The following ABCB1 variants were observed in gnomAD, a reference collection of about 807,000 sequenced individuals.
ABCB1 encodes ATP binding cassette subfamily B member 1.
In ABCB1, 69 loss-of-function variants were observed where a neutral mutation model predicts 142.0. That is an observed-to-expected ratio of 0.49 (90% CI 0.40 to 0.59). ABCB1 has a LOEUF of 0.59. Ranked by LOEUF, ABCB1 falls within the 20% of genes least tolerant of loss-of-function variation. The pLI is 0.00. For missense variants in ABCB1, 1,326 were observed against 1,554.7 expected (o/e 0.85, Z 2.47); for synonymous variants, 532 against 539.2 (o/e 0.99, Z 0.18).
At chr7:87,554,145 G>C (rs1361057110) in intron 8 of ABCB1, among the ~76,000 whole-genome samples, 2 of 152,192 alleles carry the variant, frequency 1.3e-5, no homozygotes, top group South Asian at 4.1e-4. Context: ...TATTTGTGGG[G>C]GAGTCTTCTA....
At chr7:87,582,977 T>TTATTCACA (rs751295410) in intron 4 of ABCB1, among the ~76,000 whole-genome samples, 1 of 152,204 alleles carries the variant, frequency 6.6e-6, no homozygotes, top group Non-Finnish European at 1.5e-5. Flanking sequence ...AAAGGGATGA[T>TTATTCACA]TATTCACATC....
At chr7:87,556,863 C>T (rs921873772) in intron 8 of ABCB1, among the ~76,000 whole-genome samples, 1 of 151,988 alleles carries the variant, frequency 6.6e-6, no homozygotes, top group Non-Finnish European at 1.5e-5. Flanking sequence ...CCCCTGCCCA[C>T]CCCAATCTCC....
intron 1 of ABCB1, among the ~76,000 whole-genome samples, chr7:87,626,124 T>TG (rs1491318791): frequency 4.9e-5 from 6 of 123,536 alleles, no homozygotes; most frequent in Non-Finnish European, 1.0e-4. Context: ...GTCATATATA[T>TG]TGTCATATAT....
intron 1 of ABCB1, among the ~76,000 whole-genome samples, chr7:87,658,879 A>G (rs561694453): frequency 1.3e-5 from 2 of 152,340 alleles, no homozygotes; most frequent in East Asian, 1.9e-4. Flanking sequence ...GTTAAGCAGA[A>G]AGGAAATGAT....
intron 14 of ABCB1, among the ~76,000 whole-genome samples, chr7:87,546,994 G>A (rs910095031): frequency 2.6e-5 from 4 of 152,126 alleles, no homozygotes; most frequent in Admixed American, 6.5e-5. Context: ...CTTATTCCTA[G>A]GTTGAAGAAT....
At chr7:87,599,492 C>T (rs1819350313) in intron 2 of ABCB1, among the ~76,000 whole-genome samples, 1 of 152,072 alleles carries the variant, frequency 6.6e-6, no homozygotes, top group African/African-American at 2.4e-5. Flanking sequence ...CACGTGTGGG[C>T]GACCAACACC....
chr7:87,645,008 A>G (rs910596438), intron 1 of ABCB1, among the ~76,000 whole-genome samples: 2 of 151,682 alleles, frequency 1.3e-5, no homozygotes, highest in Admixed American at 6.6e-5. Context: ...TTCTCTTGCT[A>G]TGATGACAAA....
intron 4 of ABCB1, among the ~76,000 whole-genome samples, chr7:87,571,423 C>T (rs1045434972): frequency 2.0e-5 from 3 of 152,034 alleles, no homozygotes; most frequent in South Asian, 2.1e-4. Flanking sequence ...GCAATGTATA[C>T]GATTAACTGG....
chr7:87,595,931 T>C, intron 2 of ABCB1, 117 bp from the exon 3 acceptor site: 2 of 771,116 alleles, frequency 2.6e-6, no homozygotes, highest in South Asian at 1.6e-5. Context: ...ATGTCTATAT[T>C]ATACAGTTAA....
At chr7:87,662,150 A>C (rs1824774607) in intron 1 of ABCB1, among the ~76,000 whole-genome samples, 1 of 151,798 alleles carries the variant, frequency 6.6e-6, no homozygotes. Context: ...TCTGCTTATT[A>C]ATCCCTTGTC....
intron 1 of ABCB1, among the ~76,000 whole-genome samples, chr7:87,667,533 T>C (rs1825386026): frequency 6.6e-6 from 1 of 152,154 alleles, no homozygotes; most frequent in African/African-American, 2.4e-5. Flanking sequence ...CTATTTTTAA[T>C]AGTAGTGGTG....
intron 4 of ABCB1, among the ~76,000 whole-genome samples, chr7:87,584,334 A>G (rs1818641195): frequency 6.6e-6 from 1 of 152,220 alleles, no homozygotes; most frequent in African/African-American, 2.4e-5. Flanking sequence ...CAGAAACTTG[A>G]AAGTTCAAAA....
intron 11 of ABCB1, 68 bp downstream of exon 11, chr7:87,550,400 T>A (rs1003645473): frequency 6.2e-7 from 1 of 1,603,976 alleles, no homozygotes; most frequent in Non-Finnish European, 8.5e-7. Flanking sequence ...TTTTATAATC[T>A]CTACAAGAAA....
intron 1 of ABCB1, among the ~76,000 whole-genome samples, chr7:87,642,708 CTTTT>C (rs1395582755): frequency 6.6e-6 from 1 of 151,942 alleles, no homozygotes; most frequent in East Asian, 1.9e-4. Flanking sequence ...AGCAAACTGT[CTTTT>C]TTATTTTAAG....
chr7:87,626,200 GTCATATATATGTGTCATATATA>G (rs1820482837), intron 1 of ABCB1, among the ~76,000 whole-genome samples: 1 of 96,382 alleles, frequency 1.0e-5, no homozygotes, highest in Non-Finnish European at 2.1e-5. Flanking sequence ...TCATATATAT[GTCATATATATGTGTCATATATA>G]TGTCATATAT....
chr7:87,620,402 C>T (rs1820182885), intron 1 of ABCB1, among the ~76,000 whole-genome samples: 1 of 152,162 alleles, frequency 6.6e-6, no homozygotes, highest in African/African-American at 2.4e-5. Flanking sequence ...TCATGATCCA[C>T]CCACCTCGGC....
intron 1 of ABCB1, among the ~76,000 whole-genome samples, chr7:87,620,762 A>C (rs1820195036): frequency 6.6e-6 from 1 of 152,204 alleles, no homozygotes; most frequent in Admixed American, 6.5e-5. Context: ...AAAACCAAAA[A>C]TTATAAAAGT....
At chr7:87,541,556 G>T in intron 17 of ABCB1, 92 bp from the exon 18 acceptor site, 1 of 899,766 alleles carries the variant, frequency 1.1e-6, no homozygotes, top group South Asian at 1.3e-5. Flanking sequence ...GTATTCAGGG[G>T]TCAGGAGAGC....
chr7:87,588,958 T>C (rs1818872787), intron 3 of ABCB1, among the ~76,000 whole-genome samples: 1 of 152,258 alleles, frequency 6.6e-6, no homozygotes, highest in Non-Finnish European at 1.5e-5. Context: ...AAGAAGTCTC[T>C]ATTCATGTCC....
Sources: gnomAD v4.1 joint callset for allele counts (sites outside exome capture counted in the v4.1 genomes callset) on GRCh38, gnomAD v4.1.1 for gene constraint, MANE v1.5 for transcripts, NCBI Gene and HGNC (gene_info 2026-07-23, HGNC 2026-07-21) for gene names.